The following PCDHAC1 variants were observed in gnomAD, a reference collection of about 807,000 sequenced individuals.
The protein encoded by PCDHAC1 is protocadherin alpha subfamily C, 1.
Under a neutral mutation model 60.0 loss-of-function variants are expected in PCDHAC1, and 42 were observed. The ratio of observed to expected loss-of-function variants is 0.70; its 90% CI spans 0.55 to 0.90. PCDHAC1 has a LOEUF of 0.90. Among genes scored for constraint, PCDHAC1 ranks in the 40% least tolerant of loss-of-function variants. The pLI is 0.00. For synonymous variants in PCDHAC1, 468 were observed against 499.3 expected (o/e 0.94, Z 0.84); for missense variants, 1,160 against 1,222.3 (o/e 0.95, Z 0.76).
chr5:140,928,860 G>A lies in PCDHAC1; in HGVS notation c.1968G>A (p.Leu656=). ...CCTCTGTCACTCTGGGTGTGCTGTT[G>A]AGCAACTCTGTCCCTCAGTTACTTC... ...LSSSVTLGVL[L]SNSVPQLLPD... is the part of the protein sequence containing the mutation. Residue 656 remains leucine, a synonymous_variant, in exon 1 of 4, where the codon TTG becomes TTA. Coordinates refer to ENST00000253807, the MANE Select transcript of PCDHAC1 (RefSeq NM_018898.5). 1.2e-6 allele frequency: 2 copies of A among 1,614,154 alleles called. No homozygotes were observed. Among genetic ancestry groups the A allele is most frequent in the Non-Finnish European group, 1.7e-6 (2 of 1,180,034 alleles).
At position 140,968,170 on chromosome 5, in the gene PCDHAC1, C is replaced by T. The variant is rs1554230457; in HGVS notation, c.2434-10779C>T. 3 of 1,614,132 alleles carry T rather than the reference C, an allele frequency of 1.9e-6. No homozygotes were observed. In the South Asian group the frequency reaches 3.3e-5, roughly 18 times the overall value. On this transcript the variant is annotated intron_variant, in intron 1 of 3. Transcript: ENST00000253807. ...CTGACATCAATGACAATCCACCAAG[C>T]TTCCTGGAGGACTCCTATTCCATCT...
Position 140,929,214 on chromosome 5 carries a change from G to A in PCDHAC1, c.2322G>A (p.Glu774=). 1.2e-6 allele frequency: 2 copies of A among 1,614,076 alleles called. No homozygotes were observed. Among genetic ancestry groups the A allele is most frequent in the Non-Finnish European group, 1.7e-6 (2 of 1,179,958 alleles). Residue 774 remains glutamate, a synonymous_variant, in exon 1 of 4, where the codon GAG becomes GAA. Coordinates refer to ENST00000253807, the MANE Select transcript of PCDHAC1 (RefSeq NM_018898.5). Reference sequence around the variant, plus strand: ...ATAACAGTTTGCTGTTGCGTGGGGAGTACAATGCTGCCGACCTGCGAAATC... The same window carrying A: ...ATAACAGTTTGCTGTTGCGTGGGGAATACAATGCTGCCGACCTGCGAAATC... The part of the protein sequence containing the change: ...SDNNSLLLRG[E]YNAADLRNLA...
Position 140,978,838 on chromosome 5 carries a change from A to G in PCDHAC1, c.2434-111A>G, listed in dbSNP as rs571929271. 3.9e-6 allele frequency: 6 copies of G among 1,554,610 alleles called. No homozygotes were observed. In the African/African-American group the frequency reaches 5.5e-5, roughly 14 times the overall value. On this transcript the variant is annotated intron_variant, in intron 1 of 3. Transcript: ENST00000253807. ...TTACACATGAAATGGCTCATTCAAT[A>G]CTTTTTTAGATGCCTGGAAATATTT... is the stretch of plus-strand genomic sequence containing the variant.
chr5:140,966,410 A>G lies in PCDHAC1; in HGVS notation c.2434-12539A>G, dbSNP rs530944149. The G allele has an allele frequency of 1.9e-3, 807 of 419,248 alleles. 2 individuals carry two copies. Among genetic ancestry groups the G allele is most frequent in the South Asian group, 7.3e-3 (70 of 9,536 alleles). The allele number at this position is 419,248 out of a possible 1,614,324, so 26.0% of individuals were successfully genotyped here. The stretch of plus-strand genomic sequence containing the variant: ...GTCCGCCACTTCGGCGCGGAATCAG[A>G]GCAGGACTTGCTGAGCCCTCCTACC... On this transcript the variant is annotated intron_variant, in intron 1 of 3. Coordinates refer to ENST00000253807, the MANE Select transcript of PCDHAC1 (RefSeq NM_018898.5).
At chr5:140,960,455 T>A (rs1585839337) in intron 1 of PCDHAC1, among the ~76,000 whole-genome samples, 3 of 152,274 alleles carry the variant, frequency 2.0e-5, no homozygotes, top group African/African-American at 7.2e-5. Flanking sequence ...ATGGATAATT[T>A]TGAGAAGTAA....
Position 141,010,037 on chromosome 5 carries a change from C to A in PCDHAC1, c.*100C>A. The A allele has an allele frequency of 1.3e-6, 2 of 1,582,242 alleles. No individual in the cohort carries two copies. The highest frequency in any genetic ancestry group is 1.2e-5 in the South Asian group (1 of 84,630). On this transcript the variant is annotated 3_prime_UTR_variant, in exon 4 of 4. Transcript: ENST00000253807. ...GCTCCTTTTTCCTATCTACATGAGC[C>A]CTCTTAGAGACCTCAGAAATCTGCA...
chr5:140,965,879 G>C (rs920261632), intron 1 of PCDHAC1, among the ~76,000 whole-genome samples: 1 of 152,216 alleles, frequency 6.6e-6, no homozygotes, highest in Non-Finnish European at 1.5e-5. Flanking sequence ...ACTTGGCCGA[G>C]AGCAGAATTG....
intron 1 of PCDHAC1, among the ~76,000 whole-genome samples, chr5:140,938,921 T>C (rs2092266107): frequency 6.6e-6 from 1 of 151,840 alleles, no homozygotes; most frequent in Non-Finnish European, 1.5e-5. Context: ...GCACAAGAAA[T>C]TGGCTTTTAA....
intron 1 of PCDHAC1, among the ~76,000 whole-genome samples, chr5:140,956,241 T>G (rs1396335938): frequency 1.3e-5 from 2 of 152,204 alleles, no homozygotes; most frequent in African/African-American, 4.8e-5. Context: ...TCAAGGGGAA[T>G]GCTTCCAGGT....
intron 3 of PCDHAC1, among the ~76,000 whole-genome samples, chr5:140,998,895 A>G (rs545479952): frequency 1.3e-4 from 20 of 152,354 alleles, no homozygotes; most frequent in Non-Finnish European, 1.8e-4. Flanking sequence ...ATAAATAACA[A>G]TGCCTCCGGG....
intron 1 of PCDHAC1, among the ~76,000 whole-genome samples, chr5:140,975,986 G>C (rs1554237183): frequency 6.6e-6 from 1 of 152,112 alleles, no homozygotes; most frequent in East Asian, 1.9e-4. Context: ...ATAGTCCTGG[G>C]AGGTACCATC....
At chr5:140,968,210 A>T (rs376166734) in intron 1 of PCDHAC1, 4 of 1,613,882 alleles carry the variant, frequency 2.5e-6, no homozygotes, top group Non-Finnish European at 3.4e-6. Flanking sequence ...ACAGGAGAAC[A>T]ATTTGCCAGG....
At position 140,928,226 on chromosome 5, in the gene PCDHAC1, T is replaced by G; in HGVS notation, c.1334T>G (p.Phe445Cys). The change falls in exon 1 of 4, where the codon TTT becomes TGT. Residue 445 changes from phenylalanine to cysteine, a missense_variant. By Grantham distance (205) the Phe-to-Cys change is radical. This residue lies in a region of PCDHAC1 where 1,113 missense variants were observed against 1,163.7 expected (regional missense o/e 0.96). Coordinates refer to ENST00000253807, the MANE Select transcript of PCDHAC1 (RefSeq NM_018898.5). ...VADVNDNTPN[F>C]PQPQQELFVA... ...GATGTGAATGACAATACACCAAACTTTCCTCAACCCCAGCAGGAACTTTTC... is the reference window on the plus strand; with the variant it reads ...GATGTGAATGACAATACACCAAACTGTCCTCAACCCCAGCAGGAACTTTTC... 6.2e-7 allele frequency: 1 copy of G among 1,614,178 alleles called. No individual in the cohort carries two copies. The highest frequency in any genetic ancestry group is 1.3e-5 in the African/African-American group (1 of 75,050).
chr5:140,939,283 GATCTAATC>G lies in PCDHAC1; in HGVS notation c.2433+9963_2433+9970del, dbSNP rs1257109202. ...TCTTTTATGAGAGCTGTGCCCTCGT[GATCTAATC>G]ATCTCTACAAAAGCCCTACCTCCTA... On this transcript the variant is annotated intron_variant, in intron 1 of 3. Coordinates refer to ENST00000253807, the MANE Select transcript of PCDHAC1 (RefSeq NM_018898.5). Among the ~76,000 whole-genome samples the G allele has an allele frequency of 2.0e-5, 3 of 152,184 alleles. No homozygotes were observed. In the East Asian group the frequency reaches 5.8e-4, roughly 29 times the overall value.
chr5:140,927,973 C>G lies in PCDHAC1; in HGVS notation c.1081C>G (p.Leu361Val), dbSNP rs77078209. 1 of 1,614,216 alleles carries G rather than the reference C, an allele frequency of 6.2e-7. No individual in the cohort carries two copies. Among genetic ancestry groups the G allele is most frequent in the Non-Finnish European group, 8.5e-7 (1 of 1,180,042 alleles). ...CGCTGCCCCTGGCACAGTGATTGCT[C>G]TCTTTAGTGTAAAGGATGAAGACCT... is the stretch of plus-strand genomic sequence containing the variant. ...EDAAPGTVIA[L>V]FSVKDEDLDS... is the part of the protein sequence containing the mutation. The change falls in exon 1 of 4, where the codon CTC (leucine) becomes GTC (valine). Residue 361 changes from leucine (L) to valine (V), a missense_variant. Physicochemically the swap from Leu to Val is conservative, Grantham distance 32. Coordinates refer to ENST00000253807, the MANE Select transcript of PCDHAC1 (RefSeq NM_018898.5).
intron 3 of PCDHAC1, among the ~76,000 whole-genome samples, chr5:140,982,785 G>A (rs1037904724): frequency 2.0e-5 from 3 of 151,236 alleles, no homozygotes; most frequent in African/African-American, 4.9e-5. Flanking sequence ...GTGTGTGCAC[G>A]CATGTGTGCA....
At chr5:140,941,248 T>TTTCTTTCG (rs1563187616) in intron 1 of PCDHAC1, among the ~76,000 whole-genome samples, 2 of 141,492 alleles carry the variant, frequency 1.4e-5, no homozygotes, top group Non-Finnish European at 3.1e-5. Context: ...TCTTTCTTTC[T>TTTCTTTCG]TTCTTTCTCT....
intron 1 of PCDHAC1, among the ~76,000 whole-genome samples, chr5:140,938,897 G>A (rs72800999): frequency 0.012 from 1,856 of 151,306 alleles, 24 homozygotes; most frequent in Non-Finnish European, 0.018. Flanking sequence ...ACACAGATGC[G>A]CACACACACA....
chr5:140,966,017 G>A (rs946123044), intron 1 of PCDHAC1, among the ~76,000 whole-genome samples: 1 of 152,144 alleles, frequency 6.6e-6, no homozygotes, highest in Non-Finnish European at 1.5e-5. Flanking sequence ...GGGAAGATGT[G>A]GGAGTCAGGT....
Sources: gnomAD v4.1 joint callset for allele counts (sites outside exome capture counted in the v4.1 genomes callset) on GRCh38, gnomAD v4.1.1 for gene constraint, gnomAD v4.1.1 regional missense constraint, MANE v1.5 for transcripts, NCBI Gene and HGNC (gene_info 2026-07-23, HGNC 2026-07-21) for gene names.